The following CYP3A5 variants were observed in gnomAD, a reference collection of about 807,000 sequenced individuals.
CYP3A5 encodes cytochrome P450 3A5.
In CYP3A5, 51 loss-of-function variants were observed where a neutral mutation model predicts 55.9. That is an observed-to-expected ratio of 0.91 (90% confidence interval 0.73 to 1.15). The LOEUF (loss-of-function observed/expected upper bound fraction) is 1.15. Ranked by LOEUF, CYP3A5 falls within the 50% of genes most tolerant of loss-of-function variation. The pLI is 0.00. For synonymous variants in CYP3A5, 196 were observed against 213.9 expected, an observed-to-expected ratio of 0.92 and a Z score of 0.73; for missense variants, 533 against 596.6, an observed-to-expected ratio of 0.89 and a Z score of 1.11.
rs1475264673 is a variant in CYP3A5, at chr7:99,676,103, C to A, written c.165+12G>T. 18 of 1,611,976 alleles carry A rather than the reference C, an allele frequency of 1.1e-5. No homozygotes were observed. The highest frequency in any genetic ancestry group is 1.4e-5 in the Non-Finnish European group (17 of 1,178,558). On this transcript the variant is annotated intron_variant, in intron 2 of 12. Transcript: ENST00000222982. The stretch of plus-strand genomic sequence containing the variant: ...ACCATAAGAAGCAAAAGAGGAAGCT[C>A]AAGCAACTCACCTGACGATAGGACA...
intron 10 of CYP3A5, 101 bp downstream of exon 10, chr7:99,660,398 A>G: frequency 6.7e-7 from 1 of 1,483,266 alleles, no homozygotes; most frequent in Non-Finnish European, 8.9e-7. Context: ...TGAAGGAATC[A>G]GTGATTATGC....
chr7:99,677,927 C>G (rs1338294130), intron 1 of CYP3A5, among the ~76,000 whole-genome samples: 1 of 152,260 alleles, frequency 6.6e-6, no homozygotes, highest in East Asian at 1.9e-4. Flanking sequence ...TCTAGATTCA[C>G]ATGGTACCAT....
rs932227287 is a variant in CYP3A5, at chr7:99,648,313, C to A, written c.1501G>T (p.Gly501Ter). Residue 501 changes from glycine (G) to a stop codon, truncating the protein, a stop_gained, in exon 13 of 13, where the codon GGA becomes TGA. Coordinates refer to ENST00000222982, the MANE Select transcript of CYP3A5 (RefSeq NM_000777.5). LOFTEE classifies it high-confidence loss of function. ...KVDSRDGTLS[G>*]E ...GAAATCCTTAGAATAACTCATTCTCCACTTAGGGTTCCATCTCTTGAATCC... is the reference window on the plus strand; with the variant it reads ...GAAATCCTTAGAATAACTCATTCTCAACTTAGGGTTCCATCTCTTGAATCC... 7 of 1,612,458 alleles carry A rather than the reference C, an allele frequency of 4.3e-6. No individual in the cohort carries two copies. Among genetic ancestry groups the A allele is most frequent in the Non-Finnish European group, 5.9e-6 (7 of 1,178,980 alleles).
chr7:99,669,767 A>G (rs1180484519), intron 4 of CYP3A5, among the ~76,000 whole-genome samples: 1 of 152,198 alleles, frequency 6.6e-6, no homozygotes, highest in Non-Finnish European at 1.5e-5. Context: ...ACACAACTAA[A>G]TCAAGAGATT....
chr7:99,671,797 G>A (rs1235898516), intron 4 of CYP3A5: 2 of 702,774 alleles, frequency 2.8e-6, no homozygotes, highest in East Asian at 2.7e-5. Context: ...CAAACTCCAT[G>A]TTGTGACTGT....
Position 99,653,320 on chromosome 7 carries a change from G to A in CYP3A5, c.1027-541C>T, listed in dbSNP as rs964560142. 3.3e-5 allele frequency among the ~76,000 whole-genome samples: 5 copies of A among 152,060 alleles called. No homozygotes were observed. The highest frequency in any genetic ancestry group is 9.7e-5 in the African/African-American group (4 of 41,408). On this transcript the variant is annotated intron_variant, in intron 10 of 12. Coordinates refer to ENST00000222982, the MANE Select transcript of CYP3A5 (RefSeq NM_000777.5). This position sits in a 1 kb window ranked among gnomAD's most constrained non-coding sequence, Gnocchi z 4.2. ...ACAAAAACTAGCTGGGTGTGGTGGC[G>A]TGTGCCTGTAGTTCCAGCTACTCAG...
chr7:99,663,647 A>G (rs1219212991), intron 8 of CYP3A5: 1 of 1,015,048 alleles, frequency 9.9e-7, no homozygotes, highest in East Asian at 1.0e-4. Flanking sequence ...CAATACCAGT[A>G]AAATATATTT....
intron 6 of CYP3A5, 135 bp from the exon 7 acceptor site, chr7:99,665,449 T>C: frequency 1.6e-6 from 2 of 1,287,560 alleles, no homozygotes; most frequent in Non-Finnish European, 2.2e-6. Context: ...TGCTGAATCA[T>C]CTTCCATCTA....
intron 10 of CYP3A5, chr7:99,660,295 A>G (rs1810298803): frequency 9.3e-7 from 1 of 1,078,410 alleles, no homozygotes; most frequent in East Asian, 7.6e-5. Context: ...GGCCAGCAAT[A>G]TTGTACAAAG....
intron 12 of CYP3A5, 82 bp downstream of exon 12, chr7:99,649,991 G>T (rs1584399395): frequency 1.3e-6 from 2 of 1,513,198 alleles, no homozygotes; most frequent in Non-Finnish European, 1.8e-6. Context: ...ATTATTAAAA[G>T]ATAAACATGC....
intron 2 of CYP3A5, among the ~76,000 whole-genome samples, chr7:99,675,137 G>A (rs1169639495): frequency 6.6e-6 from 1 of 152,244 alleles, no homozygotes; most frequent in Non-Finnish European, 1.5e-5. Context: ...GTGAGTGAAT[G>A]AGAAAGTAGA....
chr7:99,673,897 C>T (rs540158701), intron 3 of CYP3A5, among the ~76,000 whole-genome samples: 4 of 152,308 alleles, frequency 2.6e-5, no homozygotes, highest in Admixed American at 2.0e-4. Flanking sequence ...CCACAATGCT[C>T]CTAGCCTAGT....
At chr7:99,676,287 G>A (rs1395609476) in intron 1 of CYP3A5, 79 bp from the exon 2 acceptor site, 14 of 1,601,082 alleles carry the variant, frequency 8.7e-6, no homozygotes, top group Non-Finnish European at 9.4e-6. Context: ...TCAGGAACTG[G>A]AATGGTCAAG....
chr7:99,672,991 A>G (rs2151446307), intron 3 of CYP3A5: 3 of 694,916 alleles, frequency 4.3e-6, no homozygotes, highest in Admixed American at 4.6e-5. Flanking sequence ...TGGGTGGTAC[A>G]TACGTGGGTA....
In CYP3A5 at chr7:99,662,046, GATTA is replaced by G. The variant is rs928717063; in HGVS notation, c.865+766_865+769del. On this transcript the variant is annotated intron_variant, in intron 9 of 12. Transcript: ENST00000222982. The surrounding 1 kb of genome is among the most constrained non-coding windows in gnomAD (Gnocchi z 4.3). ...GCAAGTTTTGTTGAGATAGATAGAT[GATTA>G]ATTGATAAATTATAGGCAGATAGAT... Among the ~76,000 whole-genome samples, 22 of 152,338 alleles carry G rather than the reference GATTA, an allele frequency of 1.4e-4. 1 individual carries two copies. In the Middle Eastern group the frequency reaches 0.01, roughly 71 times the overall value.
chr7:99,660,070 T>G (rs1810258465), intron 10 of CYP3A5: 2 of 395,740 alleles, frequency 5.1e-6, no homozygotes, highest in Non-Finnish European at 6.9e-6. Context: ...GCACCCACTG[T>G]CCTGCACCCA....
Position 99,660,580 on chromosome 7 carries a change from G to A in CYP3A5, c.945C>T (p.Ser315=), listed in dbSNP as rs1319082934. 2 of 1,613,892 alleles carry A rather than the reference G, an allele frequency of 1.2e-6. No homozygotes were observed. Among genetic ancestry groups the A allele is most frequent in the Non-Finnish European group, 1.7e-6 (2 of 1,179,940 alleles). The change falls in exon 10 of 13, where the codon TCC becomes TCT. Residue 315 remains serine (S), a synonymous_variant. Coordinates refer to ENST00000222982, the MANE Select transcript of CYP3A5 (RefSeq NM_000777.5). The part of the protein sequence containing the change: ...AGYETTSSVL[S]FTLYELATHP... ...GAGTGGCCAGTTCATATAAAGTGAA[G>A]GAAAGAACACTGCTGGTGGTTTCAT...
chr7:99,658,177 C>T (rs988589532), intron 10 of CYP3A5, among the ~76,000 whole-genome samples: 4 of 152,106 alleles, frequency 2.6e-5, no homozygotes, highest in South Asian at 2.1e-4. Context: ...TCCTTAGCCT[C>T]GATGGTCTTT....
intron 1 of CYP3A5, 195 bp from the exon 2 acceptor site, chr7:99,676,403 T>A (rs1812291210): frequency 6.6e-7 from 1 of 1,507,490 alleles, no homozygotes; most frequent in African/African-American, 1.4e-5. Context: ...CCCTGAAAAG[T>A]CTCAATGATT....
Sources: allele counts gnomAD v4.1 joint callset (sites outside exome capture counted in the v4.1 genomes callset), GRCh38; gene constraint gnomAD v4.1.1; non-coding constraint Gnocchi (gnomAD v3.1); transcripts MANE v1.5; gene names NCBI Gene and HGNC (gene_info 2026-07-23, HGNC 2026-07-21).